GNA14: variants seen among roughly 807,000 people sequenced by gnomAD.
GNA14 encodes guanine nucleotide-binding protein subunit alpha-14.
A neutral mutation model predicts 42.0 loss-of-function variants in GNA14; 50 were observed. The observed-to-expected ratio is 1.19, with a 90% CI of 0.95 to 1.51. GNA14 has a LOEUF of 1.51. Ranked by LOEUF, GNA14 falls within the 40% of genes most tolerant of loss-of-function variation. The pLI is 0.00. For missense variants in GNA14, 473 were observed against 446.2 expected (o/e 1.06, Z -0.54); for synonymous variants, 173 against 163.1 (o/e 1.06, Z -0.46).
chr9:77,484,197 C>A (rs1241040402), intron 2 of GNA14, among the ~76,000 whole-genome samples: 1 of 152,126 alleles, frequency 6.6e-6, no homozygotes, highest in Non-Finnish European at 1.5e-5. Context: ...AACAATCAAT[C>A]TAGCTCAGAG....
Position 77,462,491 on chromosome 9 carries a change from C to T in GNA14, c.310-27969G>A, listed in dbSNP as rs556116859. Among the ~76,000 whole-genome samples the T allele has an allele frequency of 1.3e-3, 201 of 152,188 alleles. 1 individual carries two copies. Among genetic ancestry groups the T allele is most frequent in the African/African-American group, 4.6e-3 (191 of 41,530 alleles). Reference sequence around the variant, plus strand: ...ATCCCAGCACTTTGGGAGGCTGAGGCGGGTGGACACGAGGTCAGGAGTTCA... The same window carrying T: ...ATCCCAGCACTTTGGGAGGCTGAGGTGGGTGGACACGAGGTCAGGAGTTCA... On this transcript the variant is annotated intron_variant, in intron 2 of 6. Coordinates refer to ENST00000341700, the MANE Select transcript of GNA14 (RefSeq NM_004297.4).
At chr9:77,634,993 C>T (rs1178729375) in intron 1 of GNA14, among the ~76,000 whole-genome samples, 2 of 152,104 alleles carry the variant, frequency 1.3e-5, no homozygotes, top group African/African-American at 2.4e-5. Context: ...CATTGGAGTT[C>T]CCACACACGT....
At chr9:77,481,808 CTTCT>C (rs1336263902) in intron 2 of GNA14, among the ~76,000 whole-genome samples, 2 of 152,114 alleles carry the variant, frequency 1.3e-5, no homozygotes, top group Admixed American at 6.5e-5. Flanking sequence ...ATGTAATGGC[CTTCT>C]TTGTCTCTTT....
intron 1 of GNA14, among the ~76,000 whole-genome samples, chr9:77,552,126 C>CAAAAAAAAAAAAA (rs34493872): frequency 1.4e-4 from 12 of 85,072 alleles, no homozygotes; most frequent in East Asian, 3.8e-4. Context: ...AACTCCATCT[C>CAAAAAAAAAAAAA]AAAAAAAAAA....
rs561607068 is a variant in GNA14, at chr9:77,645,795, G to T, written c.124+1875C>A. Among the ~76,000 whole-genome samples the T allele has an allele frequency of 5.9e-5, 9 of 152,144 alleles. No individual in the cohort carries two copies. The South Asian group carries it at 1.9e-3, about 32-fold the overall frequency. ...CATACAAAGAGCCAGCATTTGTCAAGCTCCTGGTATATTCTGGACACTGTA... is the reference window on the plus strand; with the variant it reads ...CATACAAAGAGCCAGCATTTGTCAATCTCCTGGTATATTCTGGACACTGTA... On this transcript the variant is annotated intron_variant, in intron 1 of 6. Coordinates refer to ENST00000341700, the MANE Select transcript of GNA14 (RefSeq NM_004297.4).
At chr9:77,624,309 G>C (rs542917334) in intron 1 of GNA14, among the ~76,000 whole-genome samples, 2 of 152,334 alleles carry the variant, frequency 1.3e-5, no homozygotes, top group East Asian at 3.9e-4. Flanking sequence ...CCCTGGGACA[G>C]AGCACCTGGG....
At chr9:77,447,631 G>T (rs1381634939) in intron 2 of GNA14, among the ~76,000 whole-genome samples, 2 of 118,566 alleles carry the variant, frequency 1.7e-5, no homozygotes, top group Non-Finnish European at 3.8e-5. Flanking sequence ...GTAGGGGTGG[G>T]GAGGACTCTC....
At chr9:77,635,251 C>T (rs1824164867) in intron 1 of GNA14, 1 of 152,148 alleles carries the variant, frequency 6.6e-6, no homozygotes, top group Admixed American at 6.5e-5. Context: ...TGCATAGGGG[C>T]CATGCTAATC....
rs575154226 is a variant in GNA14 at position 77,472,890 on chromosome 9, C to T, written c.310-38368G>A. On this transcript the variant is annotated intron_variant, in intron 2 of 6. Transcript: ENST00000341700. ...CCAGGAAGAGGGCCCTCACTAAGAA[C>T]AGAATCTTCTGGTAACTTGATCTTG... 3.3e-5 allele frequency among the ~76,000 whole-genome samples: 5 copies of T among 151,974 alleles called. No individual in the cohort carries two copies. In the East Asian group the frequency reaches 7.8e-4, roughly 24 times the overall value.
intron 1 of GNA14, among the ~76,000 whole-genome samples, chr9:77,643,138 C>A (rs1824294598): frequency 6.6e-6 from 1 of 152,136 alleles, no homozygotes; most frequent in Non-Finnish European, 1.5e-5. Context: ...CTGTGGCTGG[C>A]ACCTTGGAAA....
intron 1 of GNA14, among the ~76,000 whole-genome samples, chr9:77,565,747 C>T (rs560072025): frequency 2.0e-5 from 3 of 152,242 alleles, no homozygotes; most frequent in African/African-American, 4.8e-5. Flanking sequence ...CGTGAGCCAC[C>T]GTGCCCAGCA....
chr9:77,491,592 C>G (rs961853737), intron 2 of GNA14, among the ~76,000 whole-genome samples: 10 of 152,112 alleles, frequency 6.6e-5, no homozygotes, highest in African/African-American at 2.2e-4. Flanking sequence ...ATAAAGGGGT[C>G]AATTTGGCAA....
intron 1 of GNA14, among the ~76,000 whole-genome samples, chr9:77,634,509 G>GA (rs1024582326): frequency 6.6e-6 from 1 of 151,496 alleles, no homozygotes; most frequent in African/African-American, 2.4e-5. Context: ...GTGAGGGACA[G>GA]AGGGAGGGAG....
chr9:77,567,709 A>C (rs1176469474), intron 1 of GNA14, among the ~76,000 whole-genome samples: 1 of 152,030 alleles, frequency 6.6e-6, no homozygotes, highest in Non-Finnish European at 1.5e-5. Flanking sequence ...TCTACTAAAA[A>C]TTCAAAAATT....
intron 2 of GNA14, among the ~76,000 whole-genome samples, chr9:77,490,677 T>C (rs1836756403): frequency 6.6e-6 from 1 of 152,156 alleles, no homozygotes; most frequent in Admixed American, 6.5e-5. Flanking sequence ...CCGCTCCGAG[T>C]GCGGGGCCTG....
chr9:77,560,174 GC>G (rs1214599293), intron 1 of GNA14, among the ~76,000 whole-genome samples: 2 of 151,718 alleles, frequency 1.3e-5, no homozygotes, highest in Non-Finnish European at 2.9e-5. Flanking sequence ...GTAACAATAA[GC>G]CACACTATAT....
At chr9:77,550,593 TAC>T (rs1837776201) in intron 1 of GNA14, among the ~76,000 whole-genome samples, 1 of 152,172 alleles carries the variant, frequency 6.6e-6, no homozygotes, top group African/African-American at 2.4e-5. Context: ...TATCATAAAA[TAC>T]AGTCAAGTTA....
intron 2 of GNA14, among the ~76,000 whole-genome samples, chr9:77,520,833 C>G (rs916028994): frequency 6.6e-6 from 1 of 152,134 alleles, no homozygotes; most frequent in Non-Finnish European, 1.5e-5. Flanking sequence ...GTTTTAAAAG[C>G]ATTTCTTTGG....
chr9:77,495,157 T>C (rs762540085), intron 2 of GNA14, among the ~76,000 whole-genome samples: 1 of 151,966 alleles, frequency 6.6e-6, no homozygotes, highest in Non-Finnish European at 1.5e-5. Context: ...CACGAAGAAA[T>C]AGATCTCTAA....
Sources: gnomAD v4.1 joint callset for allele counts (sites outside exome capture counted in the v4.1 genomes callset) on GRCh38, gnomAD v4.1.1 for gene constraint, MANE v1.5 for transcripts, NCBI Gene and HGNC (gene_info 2026-07-23, HGNC 2026-07-21) for gene names.